The following PRDM16 variants were observed in gnomAD, a reference collection of about 807,000 sequenced individuals.
PRDM16 encodes PR/SET domain 16.
PRDM16 carries 23 observed loss-of-function variants against 110.6 expected under a neutral mutation model. The observed-to-expected ratio is 0.21, with a 90% CI of 0.15 to 0.29. The LOEUF (loss-of-function observed/expected upper bound fraction) is 0.29. Ranked by LOEUF, PRDM16 falls within the 10% of genes least tolerant of loss-of-function variation. The pLI is 1.00. For synonymous variants in PRDM16, 799 were observed against 781.8 expected, an observed-to-expected ratio of 1.02 and a Z score of -0.37; for missense variants, 1,615 against 1,794.3, an observed-to-expected ratio of 0.90 and a Z score of 1.81.
intron 1 of PRDM16, among the ~76,000 whole-genome samples, chr1:3,093,961 T>C (rs1642334149): frequency 6.6e-6 from 1 of 152,158 alleles, no homozygotes. Flanking sequence ...TTTTAGAAGT[T>C]GCCATGAGTG....
At chr1:3,393,895 C>A (rs560161867) in intron 4 of PRDM16, among the ~76,000 whole-genome samples, 1 of 152,156 alleles carries the variant, frequency 6.6e-6, no homozygotes, top group East Asian at 1.9e-4. Context: ...GCAGTAATAG[C>A]GATTAATTCC....
intron 2 of PRDM16, among the ~76,000 whole-genome samples, chr1:3,210,494 G>A (rs553186297): frequency 2.6e-5 from 4 of 152,214 alleles, no homozygotes; most frequent in Admixed American, 6.5e-5. Context: ...GCGTGCACGC[G>A]TGTGTCTGTG....
chr1:3,437,029 G>A lies in PRDM16; in HGVS notation c.*3218G>A, dbSNP rs181856185. 177 of 232,992 alleles carry A rather than the reference G, an allele frequency of 7.6e-4. No homozygotes were observed. The highest frequency in any genetic ancestry group is 3.5e-3 in the African/African-American group (157 of 45,444). 14.4% of individuals were successfully genotyped at this position (232,992 alleles called of 1,614,324 possible). On this transcript the variant is annotated 3_prime_UTR_variant, in exon 17 of 17. Coordinates refer to ENST00000270722, the MANE Select transcript of PRDM16 (RefSeq NM_022114.4). ...CTGCTCTCATCCCCAGGTTGGGCAC[G>A]TGGGGTTCCTCCTCTGTGGGCCTGG...
intron 8 of PRDM16, among the ~76,000 whole-genome samples, chr1:3,409,212 A>T (rs958835887): frequency 6.7e-6 from 1 of 150,048 alleles, no homozygotes; most frequent in Non-Finnish European, 1.5e-5. Context: ...TGGGCGCGTG[A>T]GTTGGTGCGT....
chr1:3,108,626 G>C (rs946731521), intron 1 of PRDM16, among the ~76,000 whole-genome samples: 2 of 152,186 alleles, frequency 1.3e-5, no homozygotes. Context: ...CTCTGCTTTT[G>C]GAGGGGTGGA....
intron 2 of PRDM16, among the ~76,000 whole-genome samples, chr1:3,196,997 TG>T (rs1196853270): frequency 2.0e-5 from 3 of 152,116 alleles, no homozygotes; most frequent in African/African-American, 7.2e-5. Flanking sequence ...CCGCTGAGGC[TG>T]GGGGGTGAGC....
intron 3 of PRDM16, among the ~76,000 whole-genome samples, chr1:3,277,920 G>C (rs1370126090): frequency 1.6e-4 from 24 of 152,176 alleles, no homozygotes; most frequent in Admixed American, 1.6e-3. Flanking sequence ...ATGCACATGA[G>C]CACACGCACT....
intron 3 of PRDM16, among the ~76,000 whole-genome samples, chr1:3,322,346 T>A (rs192280969): frequency 6.6e-6 from 1 of 152,162 alleles, no homozygotes; most frequent in Non-Finnish European, 1.5e-5. Context: ...TCGAGTTACA[T>A]CATTTTCTTC....
intron 3 of PRDM16, among the ~76,000 whole-genome samples, chr1:3,373,044 C>T (rs185058779): frequency 1.3e-5 from 2 of 152,322 alleles, no homozygotes; most frequent in African/African-American, 4.8e-5. Context: ...GCATCAAACT[C>T]TCACCGCCGC....
chr1:3,165,268 TGCACTTGGCCTTAGGGGCATG>T (rs1643938018), intron 1 of PRDM16, among the ~76,000 whole-genome samples: 1 of 86,364 alleles, frequency 1.2e-5, no homozygotes, highest in Non-Finnish European at 2.4e-5. Context: ...GGGACAGGGA[TGCACTTGGCCTTAGGGGCATG>T]GACTCACCTG....
rs1638817550 is a variant in PRDM16, at chr1:3,208,963, G to T, written c.387+22489G>T. On this transcript the variant is annotated intron_variant, in intron 2 of 16. Coordinates refer to ENST00000270722, the MANE Select transcript of PRDM16 (RefSeq NM_022114.4). This position sits in a 1 kb window ranked among gnomAD's most constrained non-coding sequence, Gnocchi z 6.1. Reference sequence around the variant, plus strand: ...ACAGATGTCCCCCTCGCCACATCAAGGGAGTGACTTGCTCCGTCTGTCATG... The same window carrying T: ...ACAGATGTCCCCCTCGCCACATCAATGGAGTGACTTGCTCCGTCTGTCATG... Among the ~76,000 whole-genome samples the T allele has an allele frequency of 1.2e-4, 18 of 152,316 alleles. No individual in the cohort carries two copies. The highest frequency in any genetic ancestry group is 1.1e-3 in the Admixed American group (17 of 15,300).
intron 5 of PRDM16, among the ~76,000 whole-genome samples, chr1:3,397,856 C>A (rs1389128377): frequency 3.3e-5 from 5 of 152,208 alleles, no homozygotes; most frequent in Non-Finnish European, 5.9e-5. Context: ...GAGAACTCCG[C>A]CTTCATTTAC....
chr1:3,357,853 G>T (rs987053336), intron 3 of PRDM16, among the ~76,000 whole-genome samples: 2 of 152,234 alleles, frequency 1.3e-5, no homozygotes, highest in African/African-American at 4.8e-5. Context: ...ACATCCTGCA[G>T]TGCCCAGGAC....
chr1:3,192,838 C>T (rs896472779), intron 2 of PRDM16, among the ~76,000 whole-genome samples: 6 of 152,176 alleles, frequency 3.9e-5, no homozygotes, highest in South Asian at 2.1e-4. Flanking sequence ...TAAAGACCCT[C>T]GGTGCTCAAA....
intron 1 of PRDM16, among the ~76,000 whole-genome samples, chr1:3,079,532 A>G (rs1283460264): frequency 1.3e-5 from 2 of 152,178 alleles, no homozygotes; most frequent in Non-Finnish European, 2.9e-5. Context: ...AGCAAGCCGC[A>G]TGGAGCGGCC....
At chr1:3,421,168 TAC>T (rs1638415936) in intron 12 of PRDM16, among the ~76,000 whole-genome samples, 1 of 152,196 alleles carries the variant, frequency 6.6e-6, no homozygotes. Context: ...CCCTCACTTT[TAC>T]AGTCACCAAA....
intron 1 of PRDM16, among the ~76,000 whole-genome samples, chr1:3,138,501 G>A (rs1450917692): frequency 2.6e-5 from 4 of 152,220 alleles, no homozygotes; most frequent in African/African-American, 9.6e-5. Flanking sequence ...TATGAGTGAA[G>A]TCTTCACGCC....
At chr1:3,264,347 G>T (rs1046531869) in intron 3 of PRDM16, among the ~76,000 whole-genome samples, 1 of 151,274 alleles carries the variant, frequency 6.6e-6, no homozygotes, top group Non-Finnish European at 1.5e-5. Flanking sequence ...GGCAGGGGAG[G>T]GGTGTGGAGG....
chr1:3,396,801 G>T (rs1479917807), intron 5 of PRDM16, among the ~76,000 whole-genome samples: 3 of 152,218 alleles, frequency 2.0e-5, no homozygotes, highest in African/African-American at 7.2e-5. Context: ...CAACCTAATG[G>T]CTTTCTTGTT....
Sources: allele counts gnomAD v4.1 joint callset (sites outside exome capture counted in the v4.1 genomes callset), GRCh38; gene constraint gnomAD v4.1.1; non-coding constraint Gnocchi (gnomAD v3.1); transcripts MANE v1.5; gene names NCBI Gene and HGNC (gene_info 2026-07-23, HGNC 2026-07-21).